The following IRF2BP2 variants were observed in gnomAD, a reference collection of about 807,000 sequenced individuals.
IRF2BP2 encodes the protein interferon regulatory factor 2 binding protein 2.
In IRF2BP2, 13 loss-of-function variants were observed where a neutral mutation model predicts 32.7. That is an observed-to-expected ratio of 0.40 (90% CI 0.26 to 0.63). The LOEUF is 0.63. Among genes scored for constraint, IRF2BP2 ranks in the 30% least tolerant of loss-of-function variants. The probability of loss-of-function intolerance (pLI) is 0.42; values close to 1 mark genes in which losing one functional copy is unlikely to be tolerated. For synonymous variants in IRF2BP2, 555 were observed against 384.6 expected (o/e 1.44, Z -5.18); for missense variants, 980 against 830.6 (o/e 1.18, Z -2.21).
chr1:234,608,413 C>T, intron 1 of IRF2BP2, 34 bp downstream of exon 1: 1 of 1,437,282 alleles, frequency 7.0e-7, no homozygotes, highest in Non-Finnish European at 9.2e-7. Flanking sequence ...CCCCTTTTCT[C>T]CCCTAGACCC....
At chr1:234,608,165 G>A (rs963338300) in intron 1 of IRF2BP2, 13 of 524,554 alleles carry the variant, frequency 2.5e-5, no homozygotes, top group Non-Finnish European at 3.7e-5. Context: ...TCCCCCAATA[G>A]GTTAAAAGGT....
At chr1:234,608,261 T>G (rs1672222099) in intron 1 of IRF2BP2, among the ~76,000 whole-genome samples, 186 bp downstream of exon 1, 1 of 152,196 alleles carries the variant, frequency 6.6e-6, no homozygotes. Context: ...CTGACTCATC[T>G]CTGTTATGCT....
Position 234,609,477 on chromosome 1 carries a change from C to G in IRF2BP2, c.18G>C (p.Ala6=), listed in dbSNP as rs1462205770. Residue 6 remains alanine, a synonymous_variant, in exon 1 of 2, where the codon GCG becomes GCC. Coordinates refer to ENST00000366609, the MANE Select transcript of IRF2BP2 (RefSeq NM_182972.3). ...ACTGCCGCCGGGACGCGGCCGCCACCGCCACCGCCGCGGCCATGTCCGAGG... is the reference window on the plus strand; with the variant it reads ...ACTGCCGCCGGGACGCGGCCGCCACGGCCACCGCCGCGGCCATGTCCGAGG... MAAAV[A]VAAASRRQSC... 1 of 1,504,238 alleles carries G rather than the reference C, an allele frequency of 6.6e-7. No individual in the cohort carries two copies. Among genetic ancestry groups the G allele is most frequent in the Admixed American group, 2.2e-5 (1 of 45,906 alleles). The allele number at this position is 1,504,238 out of a possible 1,614,324, so 93.2% of individuals were successfully genotyped here.
intron 1 of IRF2BP2, 178 bp from the exon 2 acceptor site, chr1:234,608,030 G>A (rs923759036): frequency 1.9e-5 from 11 of 586,436 alleles, no homozygotes; most frequent in African/African-American, 1.3e-4. Flanking sequence ...ACCTTCAGGC[G>A]TACGGGATTC....
chr1:234,605,070 T>C lies in IRF2BP2; in HGVS notation c.*2067A>G, dbSNP rs577348986. ...GGCAGGATGGTTCTGTATTAATCTT[T>C]TTGGAAAGCATGTCTGTATTAAGAT... On this transcript the variant is annotated 3_prime_UTR_variant, in exon 2 of 2. Transcript: ENST00000366609. 3.0e-4 allele frequency: 45 copies of C among 152,354 alleles called. No individual in the cohort carries two copies. Among genetic ancestry groups the C allele is most frequent in the African/African-American group, 1.1e-3 (44 of 41,582 alleles). The allele number at this position is 152,354 out of a possible 1,614,324, so 9.4% of individuals were successfully genotyped here.
rs938461271 is a variant in IRF2BP2, at chr1:234,607,071, G to GAT, written c.*64_*65dup. 4.9e-6 allele frequency: 5 copies of GAT among 1,014,118 alleles called. No homozygotes were observed. The highest frequency in any genetic ancestry group is 1.6e-5 in the African/African-American group (1 of 61,846). The allele number at this position is 1,014,118 out of a possible 1,614,324, so 62.8% of individuals were successfully genotyped here. A position where few individuals can be genotyped will look rare whatever the true frequency, so the allele number is the denominator to read the frequency against. ...TGTCTTGGATATATATATATATGGA[G>GAT]ATATATATACAATTCAAGCAGTTTT... On this transcript the variant is annotated 3_prime_UTR_variant, in exon 2 of 2. Coordinates refer to ENST00000366609, the MANE Select transcript of IRF2BP2 (RefSeq NM_182972.3).
In IRF2BP2 at chr1:234,606,458, T is replaced by TA. The variant is rs144730175; in HGVS notation, c.*678dup. On this transcript the variant is annotated 3_prime_UTR_variant, in exon 2 of 2. Transcript: ENST00000366609. ...CAGTGAACAGCGGTCAACTTTGTCT[T>TA]AAAAAAAAAAAAACAAAAAACCCCA... 11,462 of 140,082 alleles carry TA rather than the reference T, an allele frequency of 0.082. 538 individuals are homozygous for TA. Among genetic ancestry groups the TA allele is most frequent in the African/African-American group, 0.13 (5,155 of 38,474 alleles). The allele number at this position is 140,082 out of a possible 1,614,324, so 8.7% of individuals were successfully genotyped here. A position where few individuals can be genotyped will look rare whatever the true frequency, so the allele number is the denominator to read the frequency against.
chr1:234,609,477 C>A lies in IRF2BP2; in HGVS notation c.18G>T (p.Ala6=). 6.6e-7 allele frequency: 1 copy of A among 1,504,238 alleles called. No individual in the cohort carries two copies. The highest frequency in any genetic ancestry group is 8.9e-7 in the Non-Finnish European group (1 of 1,127,728). The allele number at this position is 1,504,238 out of a possible 1,614,324, so 93.2% of individuals were successfully genotyped here. A position where few individuals can be genotyped will look rare whatever the true frequency, so the allele number is the denominator to read the frequency against. ...ACTGCCGCCGGGACGCGGCCGCCACCGCCACCGCCGCGGCCATGTCCGAGG... is the reference window on the plus strand; with the variant it reads ...ACTGCCGCCGGGACGCGGCCGCCACAGCCACCGCCGCGGCCATGTCCGAGG... The part of the protein sequence containing the change: MAAAV[A]VAAASRRQSC... Residue 6 remains alanine (A), a synonymous_variant, in exon 1 of 2, where the codon GCG becomes GCT. Transcript: ENST00000366609.
rs966591899 is a variant in IRF2BP2 at position 234,609,469 on chromosome 1, G to GCCGCCA, written c.20_25dup (p.Val7_Ala8dup). On this transcript the variant is annotated inframe_insertion, in exon 1 of 2. Transcript: ENST00000366609. The stretch of plus-strand genomic sequence containing the variant: ...GTAGCACGACTGCCGCCGGGACGCG[G>GCCGCCA]CCGCCACCGCCACCGCCGCGGCCAT... The GCCGCCA allele has an allele frequency of 9.3e-6, 14 of 1,511,418 alleles. No individual in the cohort carries two copies. The highest frequency in any genetic ancestry group is 6.4e-5 in the Admixed American group (3 of 47,122). 93.6% of individuals were successfully genotyped at this position (1,511,418 alleles called of 1,614,324 possible).
At position 234,609,515 on chromosome 1, in the gene IRF2BP2, C is replaced by CGGAGGAGGAGGCGGA; in HGVS notation, c.-36_-22dup. 5 of 1,430,882 alleles carry CGGAGGAGGAGGCGGA rather than the reference C, an allele frequency of 3.5e-6. No individual in the cohort carries two copies. The highest frequency in any genetic ancestry group is 3.7e-6 in the Non-Finnish European group (4 of 1,079,970). The allele number at this position is 1,430,882 out of a possible 1,614,324, so 88.6% of individuals were successfully genotyped here. A position where few individuals can be genotyped will look rare whatever the true frequency, so the allele number is the denominator to read the frequency against. ...GCCATGTCCGAGGAGCCCGCGACGCCGGAGGAGGAGGCGGAGGAGGAGGAG... is the reference window on the plus strand; with the variant it reads ...GCCATGTCCGAGGAGCCCGCGACGCCGGAGGAGGAGGCGGAGGAGGAGGAGGCGGAGGAGGAGGAG... On this transcript the variant is annotated 5_prime_UTR_variant, in exon 1 of 2. Transcript: ENST00000366609.
Position 234,608,453 on chromosome 1 carries a change from T to C in IRF2BP2, c.1042A>G (p.Lys348Glu). The stretch of plus-strand genomic sequence containing the variant: ...ACTTCACAGCCGCCCCTACCTGCTT[T>C]AGACCCGTTGGCCCCGTTGGCCTCG... ...GFEANGANGS[K>E]AVARTARKRK... is the part of the protein sequence containing the mutation. Residue 348 changes from lysine (K) to glutamate (E), a missense_variant, in exon 1 of 2, where the codon AAA (lysine) becomes GAA (glutamate). Physicochemically the swap from Lys to Glu is moderately conservative, Grantham distance 56. Transcript: ENST00000366609. The C allele has an allele frequency of 6.3e-7, 1 of 1,575,242 alleles. No individual in the cohort carries two copies. Among genetic ancestry groups the C allele is most frequent in the Non-Finnish European group, 8.6e-7 (1 of 1,158,564 alleles).
Position 234,609,658 on chromosome 1 carries a change from C to G in IRF2BP2, c.-164G>C. On this transcript the variant is annotated 5_prime_UTR_variant, in exon 1 of 2. Transcript: ENST00000366609. ...AGGCGGCGGCGGCGGCGGCAAAGCC[C>G]GCGAAGGCTCGGCGCCCGCGCAGCG... 1 of 214,418 alleles carries G rather than the reference C, an allele frequency of 4.7e-6. No homozygotes were observed. The highest frequency in any genetic ancestry group is 8.6e-6 in the Non-Finnish European group (1 of 116,094). 13.3% of individuals were successfully genotyped at this position (214,418 alleles called of 1,614,324 possible).
rs746983384 is a variant in IRF2BP2 at position 234,607,533 on chromosome 1, G to A, written c.1368C>T (p.Asn456=). Residue 456 remains asparagine, a synonymous_variant, in exon 2 of 2, where the codon AAC becomes AAT. Coordinates refer to ENST00000366609, the MANE Select transcript of IRF2BP2 (RefSeq NM_182972.3). ...QVHSTTRRNS[N]SPPSPSSMNQ... ...TCATAGAGGACGGAGAGGGCGGACT[G>A]TTGCTATTCCTCCTGGTAGTGGAGT... 2.5e-6 allele frequency: 4 copies of A among 1,614,222 alleles called. No individual in the cohort carries two copies. The highest frequency in any genetic ancestry group is 4.5e-5 in the East Asian group (2 of 44,888).
rs545827270 is a variant in IRF2BP2, at chr1:234,606,616, C to G, written c.*521G>C. ...TCTGAGGACAATGTTTCAGGGTAAA[C>G]TGGTGGTATTTCCCAGTGGCATGCC... On this transcript the variant is annotated 3_prime_UTR_variant, in exon 2 of 2. Coordinates refer to ENST00000366609, the MANE Select transcript of IRF2BP2 (RefSeq NM_182972.3). The G allele has an allele frequency of 2.0e-5, 3 of 153,214 alleles. No homozygotes were observed. Among genetic ancestry groups the G allele is most frequent in the Admixed American group, 6.5e-5 (1 of 15,418 alleles). The allele number at this position is 153,214 out of a possible 1,614,324, so 9.5% of individuals were successfully genotyped here.
Position 234,609,155 on chromosome 1 carries a change from A to G in IRF2BP2, c.340T>C (p.Leu114=). Residue 114 remains leucine (L), a synonymous_variant, in exon 1 of 2, where the codon TTG becomes CTG. Coordinates refer to ENST00000366609, the MANE Select transcript of IRF2BP2 (RefSeq NM_182972.3). ...PEAAPRAPQA[L]ERYPLAAAAE... is the part of the protein sequence containing the mutation. ...GCGGCCGCCAACGGGTAGCGCTCCA[A>G]GGCCTGCGGCGCGCGCGGGGCCGCC... The G allele has an allele frequency of 7.9e-7, 1 of 1,264,676 alleles. No individual in the cohort carries two copies. The highest frequency in any genetic ancestry group is 9.9e-7 in the Non-Finnish European group (1 of 1,008,456). 78.3% of individuals were successfully genotyped at this position (1,264,676 alleles called of 1,614,324 possible).
chr1:234,606,010 G>C lies in IRF2BP2; in HGVS notation c.*1127C>G, dbSNP rs1162268240. ...TACAGGTTTCCTCCACCCACATTTG[G>C]GCTGTCACTGATATGCCCAAGGGCA... On this transcript the variant is annotated 3_prime_UTR_variant, in exon 2 of 2. Coordinates refer to ENST00000366609, the MANE Select transcript of IRF2BP2 (RefSeq NM_182972.3). The C allele has an allele frequency of 1.3e-5, 2 of 152,084 alleles. No individual in the cohort carries two copies. Among genetic ancestry groups the C allele is most frequent in the Non-Finnish European group, 2.9e-5 (2 of 68,024 alleles). The allele number at this position is 152,084 out of a possible 1,614,324, so 9.4% of individuals were successfully genotyped here.
rs1672267876 is a variant in IRF2BP2, at chr1:234,609,146, A to G, written c.349T>C (p.Tyr117His). The G allele has an allele frequency of 1.6e-6, 2 of 1,241,592 alleles. No individual in the cohort carries two copies. The highest frequency in any genetic ancestry group is 2.0e-6 in the Non-Finnish European group (2 of 995,172). The allele number at this position is 1,241,592 out of a possible 1,614,324, so 76.9% of individuals were successfully genotyped here. ...APRAPQALER[Y>H]PLAAAAERPP... ...CTCTCGGCCGCGGCCGCCAACGGGTAGCGCTCCAAGGCCTGCGGCGCGCGC... is the reference window on the plus strand; with the variant it reads ...CTCTCGGCCGCGGCCGCCAACGGGTGGCGCTCCAAGGCCTGCGGCGCGCGC... Residue 117 changes from tyrosine (Y) to histidine (H), a missense_variant, in exon 1 of 2, where the codon TAC (tyrosine) becomes CAC (histidine). By Grantham distance (83) the Tyr-to-His change is moderately conservative (BLOSUM62 2). Coordinates refer to ENST00000366609, the MANE Select transcript of IRF2BP2 (RefSeq NM_182972.3).
rs769790458 is a variant in IRF2BP2, at chr1:234,608,443, C to A, written c.1048+4G>T. 6.5e-7 allele frequency: 1 copy of A among 1,543,574 alleles called. No individual in the cohort carries two copies. The highest frequency in any genetic ancestry group is 8.8e-7 in the Non-Finnish European group (1 of 1,140,234). On this transcript the variant is annotated splice_donor_region_variant and intron_variant, in intron 1 of 1. Coordinates refer to ENST00000366609, the MANE Select transcript of IRF2BP2 (RefSeq NM_182972.3). ...AGACCCCCTCACTTCACAGCCGCCC[C>A]TACCTGCTTTAGACCCGTTGGCCCC...
In IRF2BP2 at chr1:234,606,499, C is replaced by T. The variant is rs1430182293; in HGVS notation, c.*638G>A. ...AAAAACCCCAAAAGACCACACAATCCTGAAAATTTCCCAGCAGCACTCTCA... is the reference window on the plus strand; with the variant it reads ...AAAAACCCCAAAAGACCACACAATCTTGAAAATTTCCCAGCAGCACTCTCA... On this transcript the variant is annotated 3_prime_UTR_variant, in exon 2 of 2. Transcript: ENST00000366609. 2 of 152,060 alleles carry T rather than the reference C, an allele frequency of 1.3e-5. No individual in the cohort carries two copies. The highest frequency in any genetic ancestry group is 1.9e-4 in the East Asian group (1 of 5,200). 9.4% of individuals were successfully genotyped at this position (152,060 alleles called of 1,614,324 possible).
Sources: gnomAD v4.1 joint callset for allele counts (sites outside exome capture counted in the v4.1 genomes callset) on GRCh38, gnomAD v4.1.1 for gene constraint, MANE v1.5 for transcripts, NCBI Gene and HGNC (gene_info 2026-07-23, HGNC 2026-07-21) for gene names.